Variants in GCNT4 observed in about 807,000 individuals in gnomAD.
GCNT4 encodes glucosaminyl (N-acetyl) transferase 4.
Under a neutral mutation model 31.3 loss-of-function variants are expected in GCNT4, and 17 were observed. The observed-to-expected ratio is 0.54, with a 90% CI of 0.37 to 0.81. The LOEUF is 0.81. GCNT4 is among the 40% of genes least tolerant of loss of function. The probability of loss-of-function intolerance (pLI) is 0.00; values close to 1 mark genes in which losing one functional copy is unlikely to be tolerated. For synonymous variants in GCNT4, 158 were observed against 190.6 expected (o/e 0.83, Z 1.41); for missense variants, 503 against 525.5 (o/e 0.96, Z 0.42).
At chr5:75,046,857 G>A (rs557861490) in intron 3 of GCNT4, among the ~76,000 whole-genome samples, 46 of 152,326 alleles carry the variant, frequency 3.0e-4, no homozygotes, top group Non-Finnish European at 6.5e-4. Flanking sequence ...GCAGGTACAA[G>A]ACCATTCTGC....
At chr5:75,017,598 C>T in the GCNT4 span, 2 of 152,056 alleles carry the variant, frequency 1.3e-5, no homozygotes, top group South Asian at 2.1e-4. Context: ...TGAGAAGATG[C>T]TTTAGGAAGG....
intron 3 of GCNT4, among the ~76,000 whole-genome samples, chr5:75,036,596 G>A (rs1743206658): frequency 6.6e-6 from 1 of 152,186 alleles, no homozygotes; most frequent in Admixed American, 6.5e-5. Flanking sequence ...AACAGGAACA[G>A]GAATGGATCC....
intron 3 of GCNT4, among the ~76,000 whole-genome samples, chr5:75,043,223 C>T (rs925846157): frequency 2.0e-5 from 3 of 152,244 alleles, no homozygotes; most frequent in African/African-American, 7.2e-5. Flanking sequence ...AAACCAGACT[C>T]TTCAGATTTT....
chr5:75,035,517 T>G (rs1743176529), intron 3 of GCNT4, among the ~76,000 whole-genome samples: 1 of 152,236 alleles, frequency 6.6e-6, no homozygotes. Context: ...TTAGTAGCTC[T>G]AAGACTTTGA....
intron 3 of GCNT4, among the ~76,000 whole-genome samples, chr5:75,038,656 G>T (rs190227448): frequency 6.6e-6 from 1 of 152,292 alleles, no homozygotes; most frequent in East Asian, 1.9e-4. Flanking sequence ...ACGGGCAAAG[G>T]GGGGGAGAGG....
chr5:75,033,797 G>A (rs112381093), intron 3 of GCNT4, among the ~76,000 whole-genome samples: 9,212 of 151,662 alleles, frequency 0.061, 901 homozygotes, highest in African/African-American at 0.21. Context: ...TTTAAGCCCC[G>A]AATGCATTAG....
chr5:75,042,909 T>C (rs888656730), intron 3 of GCNT4, among the ~76,000 whole-genome samples: 1 of 152,116 alleles, frequency 6.6e-6, no homozygotes, highest in African/African-American at 2.4e-5. Flanking sequence ...GACTCAGGAA[T>C]TCAAAAATTA....
chr5:75,049,411 C>A (rs1249848783), intron 2 of GCNT4, among the ~76,000 whole-genome samples: 1 of 152,184 alleles, frequency 6.6e-6, no homozygotes, highest in Non-Finnish European at 1.5e-5. Flanking sequence ...ATAGTAAATA[C>A]TGATCCAATC....
chr5:75,032,877 GTGTGTGTGTGTGTGT>G, intron 3 of GCNT4, among the ~76,000 whole-genome samples: 1 of 76,612 alleles, frequency 1.3e-5, no homozygotes, highest in East Asian at 3.0e-4. Context: ...ATAGGGGTGT[GTGTGTGTGTGTGTGT>G]GTGTGTGTGT....
rs1742995738 is a variant in GCNT4 at position 75,028,598 on chromosome 5, A to G, written c.*78T>C. On this transcript the variant is annotated 3_prime_UTR_variant, in exon 4 of 4. Coordinates refer to ENST00000652361, the MANE Select transcript of GCNT4 (RefSeq NM_001366737.1). ...TATGGGAGGACTGAGTTTAAACAGTATTGGGCATAGTATGGTATTCAATTC... is the reference window on the plus strand; with the variant it reads ...TATGGGAGGACTGAGTTTAAACAGTGTTGGGCATAGTATGGTATTCAATTC... The G allele has an allele frequency of 1.5e-6, 2 of 1,337,166 alleles. No homozygotes were observed. The highest frequency in any genetic ancestry group is 3.0e-5 in the African/African-American group (2 of 67,658). 82.8% of individuals were successfully genotyped at this position (1,337,166 alleles called of 1,614,324 possible). A position where few individuals can be genotyped will look rare whatever the true frequency, so the allele number is the denominator to read the frequency against.
chr5:75,026,539 G>A lies in GCNT4; in HGVS notation c.*2137C>T, dbSNP rs1232061787. On this transcript the variant is annotated 3_prime_UTR_variant, in exon 4 of 4. Coordinates refer to ENST00000652361, the MANE Select transcript of GCNT4 (RefSeq NM_001366737.1). ...GGTAAATGTTTAAGCCTTTCGATGG[G>A]GTTGGACCTTTGCCTATACTACTAC... The A allele has an allele frequency of 6.6e-6, 1 of 150,920 alleles. No individual in the cohort carries two copies. The highest frequency in any genetic ancestry group is 1.5e-5 in the Non-Finnish European group (1 of 67,934). The allele number at this position is 150,920 out of a possible 1,614,324, so 9.3% of individuals were successfully genotyped here.
At chr5:75,036,045 C>A (rs1561375340) in intron 3 of GCNT4, among the ~76,000 whole-genome samples, 2 of 152,252 alleles carry the variant, frequency 1.3e-5, no homozygotes, top group East Asian at 3.9e-4. Context: ...AATCTATGCA[C>A]ACTCAAGTCC....
At chr5:75,020,791 A>G (rs986025711), downstream of GCNT4, among the ~76,000 whole-genome samples, 3 of 152,240 alleles carry the variant, frequency 2.0e-5, no homozygotes, top group African/African-American at 7.2e-5. Flanking sequence ...ATTATTAACA[A>G]GTAAAATAAT....
the GCNT4 span, among the ~76,000 whole-genome samples, chr5:75,018,099 A>G: frequency 6.6e-6 from 1 of 152,134 alleles, no homozygotes; most frequent in Non-Finnish European, 1.5e-5. Flanking sequence ...AAGTTTGTGA[A>G]GTGCTGCCAA....
In GCNT4 at chr5:75,029,249, T is replaced by C; in HGVS notation, c.789A>G (p.Glu263=). Residue 263 remains glutamate, a synonymous_variant, in exon 4 of 4, where the codon GAA becomes GAG. Coordinates refer to ENST00000652361, the MANE Select transcript of GCNT4 (RefSeq NM_001366737.1). The part of the protein sequence containing the change: ...ETVKPPNSKL[E]RFTYHHELRR... ...TAAGTTCATGATGGTAAGTGAATCTTTCCAATTTACTGTTTGGGGGTTTCA... is the reference window on the plus strand; with the variant it reads ...TAAGTTCATGATGGTAAGTGAATCTCTCCAATTTACTGTTTGGGGGTTTCA... The C allele has an allele frequency of 6.2e-7, 1 of 1,614,164 alleles. No homozygotes were observed. Among genetic ancestry groups the C allele is most frequent in the Non-Finnish European group, 8.5e-7 (1 of 1,180,026 alleles).
chr5:75,028,675 A>G lies in GCNT4; in HGVS notation c.*1T>C. On this transcript the variant is annotated 3_prime_UTR_variant, in exon 4 of 4. Transcript: ENST00000652361. ...CTCTTATTTCCATCCTGATTTTACTATCATGATGTGGTAGTGAGATTTCTA... is the reference window on the plus strand; with the variant it reads ...CTCTTATTTCCATCCTGATTTTACTGTCATGATGTGGTAGTGAGATTTCTA... 2.5e-6 allele frequency: 4 copies of G among 1,607,108 alleles called. No individual in the cohort carries two copies. Among genetic ancestry groups the G allele is most frequent in the Non-Finnish European group, 3.4e-6 (4 of 1,176,884 alleles).
chr5:75,040,963 C>G (rs898373603), intron 3 of GCNT4, among the ~76,000 whole-genome samples: 1 of 151,878 alleles, frequency 6.6e-6, no homozygotes, highest in Non-Finnish European at 1.5e-5. Flanking sequence ...CCAGTATGCT[C>G]GATATTTTTC....
At chr5:75,046,859 C>T (rs1291283738) in intron 3 of GCNT4, among the ~76,000 whole-genome samples, 9 of 152,200 alleles carry the variant, frequency 5.9e-5, no homozygotes, top group Non-Finnish European at 1.2e-4. Context: ...AGGTACAAGA[C>T]CATTCTGCCC....
intron 3 of GCNT4, among the ~76,000 whole-genome samples, chr5:75,036,075 C>G (rs1281398927): frequency 3.3e-5 from 5 of 152,144 alleles, no homozygotes; most frequent in African/African-American, 9.6e-5. Context: ...TCCTGAGGAA[C>G]CAGGTATGGG....
Sources: allele counts gnomAD v4.1 joint callset (sites outside exome capture counted in the v4.1 genomes callset), GRCh38; gene constraint gnomAD v4.1.1; transcripts MANE v1.5; gene names NCBI Gene and HGNC (gene_info 2026-07-23, HGNC 2026-07-21).